Variants in P3H2 observed in about 807,000 individuals in gnomAD.
P3H2 encodes prolyl 3-hydroxylase 2.
P3H2 carries 80 observed loss-of-function variants against 87.0 expected under a neutral mutation model. The ratio of observed to expected loss-of-function variants is 0.92; its 90% CI spans 0.77 to 1.11. P3H2 has a LOEUF of 1.11. P3H2 is among the 50% of genes least tolerant of loss of function. The pLI is 0.00. For synonymous variants in P3H2, 367 were observed against 359.3 expected (o/e 1.02, Z -0.24); for missense variants, 1,001 against 923.9 (o/e 1.08, Z -1.08).
intron 3 of P3H2, 104 bp from the exon 4 acceptor site, chr3:189,989,142 G>A: frequency 7.4e-7 from 1 of 1,354,528 alleles, no homozygotes; most frequent in Non-Finnish European, 1.0e-6. Flanking sequence ...TCACCACACT[G>A]GAAGACCAAA....
chr3:190,013,034 T>G (rs980529654), intron 1 of P3H2, among the ~76,000 whole-genome samples: 4 of 152,202 alleles, frequency 2.6e-5, no homozygotes, highest in Non-Finnish European at 5.9e-5. Context: ...TAAGAAAAGC[T>G]GTTCATATGG....
chr3:190,115,860 A>C (rs896287171), intron 1 of P3H2, among the ~76,000 whole-genome samples: 1 of 152,198 alleles, frequency 6.6e-6, no homozygotes, highest in Non-Finnish European at 1.5e-5. Context: ...TTTGGAGGGA[A>C]GATGGTTGTG....
chr3:190,010,899 G>A (rs919745606), intron 1 of P3H2, among the ~76,000 whole-genome samples: 2 of 152,178 alleles, frequency 1.3e-5, no homozygotes, highest in African/African-American at 4.8e-5. Context: ...CAATGACAAT[G>A]CTGGCAACTA....
At chr3:190,118,757 A>G (rs1712395181) in intron 1 of P3H2, among the ~76,000 whole-genome samples, 1 of 152,006 alleles carries the variant, frequency 6.6e-6, no homozygotes, top group Non-Finnish European at 1.5e-5. Context: ...TGAGCTGCAA[A>G]AGGCATTTGG....
At chr3:190,078,553 G>T (rs1726941403) in intron 1 of P3H2, among the ~76,000 whole-genome samples, 1 of 152,104 alleles carries the variant, frequency 6.6e-6, no homozygotes, top group South Asian at 2.1e-4. Context: ...TGTGTATGAG[G>T]AAACTTCTAA....
At chr3:190,068,272 TAAAATGAA>T (rs1262629573) in intron 1 of P3H2, among the ~76,000 whole-genome samples, 1 of 152,030 alleles carries the variant, frequency 6.6e-6, no homozygotes, top group Non-Finnish European at 1.5e-5. Flanking sequence ...CAACAATAAT[TAAAATGAA>T]AAACAATAGC....
intron 1 of P3H2, among the ~76,000 whole-genome samples, chr3:190,029,436 C>T (rs562287227): frequency 7.2e-5 from 11 of 152,114 alleles, no homozygotes; most frequent in East Asian, 1.9e-4. Context: ...TGCCAAGTTT[C>T]GGGCTGTCAC....
At chr3:189,990,064 T>C (rs1345715771) in intron 3 of P3H2, among the ~76,000 whole-genome samples, 1 of 135,690 alleles carries the variant, frequency 7.4e-6, no homozygotes, top group African/African-American at 2.5e-5. Flanking sequence ...CACAACTGCC[T>C]TTTTTTCAAA....
intron 1 of P3H2, among the ~76,000 whole-genome samples, chr3:190,092,230 C>CA (rs10693056): frequency 0.084 from 11,604 of 137,898 alleles, 1,461 homozygotes; most frequent in African/African-American, 0.27. Context: ...GAGACTCCGT[C>CA]AAAAAAAAAA....
chr3:189,966,094 GAAA>G (rs1722975076), intron 13 of P3H2, among the ~76,000 whole-genome samples: 2 of 119,494 alleles, frequency 1.7e-5, no homozygotes, highest in African/African-American at 8.6e-5. Context: ...AAGAAAGAAA[GAAA>G]GAAAGAAAAA....
intron 1 of P3H2, among the ~76,000 whole-genome samples, chr3:190,061,338 T>C (rs991359894): frequency 3.9e-5 from 6 of 152,052 alleles, no homozygotes; most frequent in Non-Finnish European, 8.8e-5. Flanking sequence ...ACACATTCCA[T>C]TGAAAGGTTG....
intron 1 of P3H2, among the ~76,000 whole-genome samples, chr3:190,035,227 TA>T (rs767717376): frequency 1.2e-4 from 18 of 152,150 alleles, no homozygotes; most frequent in Non-Finnish European, 2.4e-4. Flanking sequence ...GAATAGTTCA[TA>T]AAACAAAAGC....
At chr3:190,029,927 G>A (rs988697826) in intron 1 of P3H2, among the ~76,000 whole-genome samples, 21 of 151,680 alleles carry the variant, frequency 1.4e-4, no homozygotes, top group Non-Finnish European at 2.2e-4. Context: ...GCTTGAACCC[G>A]GGAGGCAGAG....
chr3:190,094,147 T>C (rs1191548354), intron 1 of P3H2, among the ~76,000 whole-genome samples: 2 of 152,228 alleles, frequency 1.3e-5, no homozygotes, highest in East Asian at 3.8e-4. Flanking sequence ...CTCTACTGAC[T>C]GGAACTATGG....
intron 1 of P3H2, among the ~76,000 whole-genome samples, chr3:190,108,254 TG>T (rs1711928432): frequency 2.0e-5 from 3 of 152,054 alleles, no homozygotes; most frequent in African/African-American, 4.8e-5. Context: ...TGGGCTCAAG[TG>T]ATCCTCCCAC....
chr3:189,998,519 C>T (rs1724116758), intron 1 of P3H2, among the ~76,000 whole-genome samples: 1 of 152,180 alleles, frequency 6.6e-6, no homozygotes, highest in Non-Finnish European at 1.5e-5. Context: ...ATACTCTCAA[C>T]CTGTTCCTTT....
At chr3:190,071,152 T>C (rs1224242731) in intron 1 of P3H2, among the ~76,000 whole-genome samples, 1 of 152,224 alleles carries the variant, frequency 6.6e-6, no homozygotes, top group Non-Finnish European at 1.5e-5. Flanking sequence ...AGCAAATCCC[T>C]GTGACATTGA....
At chr3:189,989,064 G>A (rs1318862030) in intron 3 of P3H2, 26 bp from the exon 4 acceptor site, 1 of 1,613,576 alleles carries the variant, frequency 6.2e-7, no homozygotes, top group Non-Finnish European at 8.5e-7. Context: ...CAATACGTGT[G>A]TTCCTCCAGG....
At chr3:190,031,511 C>T (rs1291599743) in intron 1 of P3H2, among the ~76,000 whole-genome samples, 6 of 151,902 alleles carry the variant, frequency 3.9e-5, no homozygotes, top group Admixed American at 3.3e-4. Context: ...GTGGCAGGCA[C>T]CTGGAATCCC....
Sources: gnomAD v4.1 joint callset for allele counts (sites outside exome capture counted in the v4.1 genomes callset) on GRCh38, gnomAD v4.1.1 for gene constraint, MANE v1.5 for transcripts, NCBI Gene and HGNC (gene_info 2026-07-23, HGNC 2026-07-21) for gene names.